The following KLF13 variants were observed in gnomAD, a reference collection of about 807,000 sequenced individuals.
The protein encoded by KLF13 is Krueppel-like factor 13.
KLF13 carries 8 observed loss-of-function variants against 16.7 expected under a neutral mutation model. That is an observed-to-expected ratio of 0.48 (90% CI 0.28 to 0.87). The LOEUF (loss-of-function observed/expected upper bound fraction) is 0.87. KLF13 is among the 40% of genes least tolerant of loss of function. The pLI is 0.10. For missense variants in KLF13, 447 were observed against 452.2 expected, an observed-to-expected ratio of 0.99 and a Z score of 0.10; for synonymous variants, 245 against 208.4, an observed-to-expected ratio of 1.18 and a Z score of -1.51.
chr15:31,415,862 G>C (rs576807406), intron 1 of KLF13, among the ~76,000 whole-genome samples: 3 of 151,610 alleles, frequency 2.0e-5, no homozygotes, highest in South Asian at 4.2e-4. Flanking sequence ...ACCAAAAGCT[G>C]GTTCTTTATA....
At chr15:31,431,029 G>A (rs2040465453) in intron 1 of KLF13, among the ~76,000 whole-genome samples, 1 of 152,140 alleles carries the variant, frequency 6.6e-6, no homozygotes, top group Non-Finnish European at 1.5e-5. Flanking sequence ...TAACCCCCAA[G>A]GTGATGGTAT....
At chr15:31,423,882 G>A (rs961837541) in intron 1 of KLF13, among the ~76,000 whole-genome samples, 1 of 151,966 alleles carries the variant, frequency 6.6e-6, no homozygotes, top group African/African-American at 2.4e-5. Context: ...CACAAATATG[G>A]GGAAATTAAA....
At chr15:31,346,206 T>C (rs1052697146) in intron 1 of KLF13, among the ~76,000 whole-genome samples, 5 of 152,102 alleles carry the variant, frequency 3.3e-5, no homozygotes, top group Non-Finnish European at 7.4e-5. Context: ...ATCTGTGGCT[T>C]CCAGAAAGCA....
chr15:31,365,956 CA>C (rs2039462628), intron 1 of KLF13, among the ~76,000 whole-genome samples: 1 of 69,844 alleles, frequency 1.4e-5, no homozygotes, highest in African/African-American at 6.3e-5. Flanking sequence ...GCAAGAGCAG[CA>C]TGTGGGACGC....
chr15:31,339,385 C>T (rs963690413), intron 1 of KLF13, among the ~76,000 whole-genome samples: 1 of 152,112 alleles, frequency 6.6e-6, no homozygotes, highest in Non-Finnish European at 1.5e-5. Context: ...TTCTTTTAGA[C>T]GGTGGCAAGG....
At chr15:31,367,950 A>G (rs892883492) in intron 1 of KLF13, among the ~76,000 whole-genome samples, 4 of 151,968 alleles carry the variant, frequency 2.6e-5, no homozygotes, top group South Asian at 4.2e-4. Context: ...TGGCAGGGTT[A>G]ATTCCTTCCA....
At chr15:31,404,819 C>G (rs755511074), downstream of KLF13, 2 of 152,492 alleles carry the variant, frequency 1.3e-5, no homozygotes, top group Non-Finnish European at 2.9e-5. Context: ...ACCACGAACC[C>G]ACTGGAAAGA....
intron 1 of KLF13, among the ~76,000 whole-genome samples, chr15:31,329,407 T>A (rs2038786291): frequency 6.6e-6 from 1 of 151,742 alleles, no homozygotes; most frequent in South Asian, 2.1e-4. Context: ...GGATACTTAA[T>A]GTTTGGGAAA....
At chr15:31,358,837 T>G (rs1383312739) in intron 1 of KLF13, among the ~76,000 whole-genome samples, 1 of 152,214 alleles carries the variant, frequency 6.6e-6, no homozygotes, top group Non-Finnish European at 1.5e-5. Context: ...GCAGTCACAT[T>G]GCCTCCCGAT....
At chr15:31,382,397 G>A (rs1229470614), downstream of KLF13, among the ~76,000 whole-genome samples, 10 of 152,190 alleles carry the variant, frequency 6.6e-5, no homozygotes, top group Non-Finnish European at 1.0e-4. Context: ...TCACACAGCT[G>A]GCAAAAGTCA....
Position 31,372,184 on chromosome 15 carries a change from A to G in KLF13, c.752A>G (p.Asn251Ser). ...HLTKHARRHA[N>S]FHPGMLQRRG... ...ACCAAGCACGCGCGCCGCCACGCCAACTTCCACCCGGGAATGCTGCAGCGG... is the reference window on the plus strand; with the variant it reads ...ACCAAGCACGCGCGCCGCCACGCCAGCTTCCACCCGGGAATGCTGCAGCGG... The change falls in exon 2 of 2, where the codon AAC becomes AGC. Residue 251 changes from asparagine (N) to serine (S), a missense_variant. By Grantham distance (46) the Asn-to-Ser change is conservative. Transcript: ENST00000307145. 5 of 1,611,534 alleles carry G rather than the reference A, an allele frequency of 3.1e-6. No individual in the cohort carries two copies. Among genetic ancestry groups the G allele is most frequent in the Non-Finnish European group, 2.5e-6 (3 of 1,179,536 alleles).
intron 1 of KLF13, among the ~76,000 whole-genome samples, chr15:31,367,133 C>T (rs1045161740): frequency 6.6e-6 from 1 of 152,248 alleles, no homozygotes; most frequent in African/African-American, 2.4e-5. Context: ...GTTCCCGCCT[C>T]CACCCGTTCT....
intron 1 of KLF13, among the ~76,000 whole-genome samples, chr15:31,360,646 T>C (rs995320268): frequency 6.6e-6 from 1 of 152,128 alleles, no homozygotes. Context: ...TGGAGGTTCC[T>C]AGCAGAAGCC....
intron 1 of KLF13, among the ~76,000 whole-genome samples, chr15:31,368,898 C>A (rs1051818986): frequency 6.6e-6 from 1 of 152,066 alleles, no homozygotes; most frequent in Non-Finnish European, 1.5e-5. Context: ...AAAAAAAATC[C>A]TCTCACCAGT....
intron 1 of KLF13, among the ~76,000 whole-genome samples, chr15:31,351,607 T>G (rs753357221): frequency 6.6e-6 from 1 of 152,136 alleles, no homozygotes; most frequent in African/African-American, 2.4e-5. Context: ...TCAGGGCAGG[T>G]TGCTTCTTTT....
upstream of KLF13, among the ~76,000 whole-genome samples, chr15:31,390,438 T>G (rs953826909): frequency 6.6e-6 from 1 of 152,252 alleles, no homozygotes. Flanking sequence ...GGTTCAAAAT[T>G]ACTTGCCAAT....
intron 1 of KLF13, among the ~76,000 whole-genome samples, chr15:31,353,270 G>A (rs973689048): frequency 3.3e-5 from 5 of 152,178 alleles, no homozygotes; most frequent in African/African-American, 9.6e-5. Context: ...CGCCTGTGCT[G>A]GGCCTCCCCT....
intron 1 of KLF13, among the ~76,000 whole-genome samples, chr15:31,385,515 G>A (rs971140651): frequency 1.3e-5 from 2 of 152,178 alleles, no homozygotes; most frequent in Admixed American, 6.5e-5. Flanking sequence ...CTCACTTTGT[G>A]TCTTGGTCAC....
At chr15:31,431,158 T>C (rs1403462962) in intron 1 of KLF13, among the ~76,000 whole-genome samples, 5 of 152,172 alleles carry the variant, frequency 3.3e-5, no homozygotes, top group Admixed American at 6.5e-5. Flanking sequence ...CACTCCACCA[T>C]GTGTGGACAC....
Sources: allele counts gnomAD v4.1 joint callset (sites outside exome capture counted in the v4.1 genomes callset), GRCh38; gene constraint gnomAD v4.1.1; transcripts MANE v1.5; gene names NCBI Gene and HGNC (gene_info 2026-07-23, HGNC 2026-07-21).